The following BRDT variants were observed in gnomAD, a reference collection of about 807,000 sequenced individuals.
BRDT encodes bromodomain testis associated, also known as bromodomain testis-specific protein.
A neutral mutation model predicts 113.9 loss-of-function variants in BRDT; 77 were observed. The observed-to-expected ratio is 0.68, with a 90% CI of 0.56 to 0.82. The LOEUF (loss-of-function observed/expected upper bound fraction) is 0.82. BRDT is among the 40% of genes least tolerant of loss of function. BRDT has a pLI of 0.00. For synonymous variants in BRDT, 358 were observed against 366.5 expected (o/e 0.98, Z 0.26); for missense variants, 1,027 against 1,105.4 (o/e 0.93, Z 1.01).
At chr1:91,997,345 G>A (rs535717381) in intron 15 of BRDT, among the ~76,000 whole-genome samples, 1 of 152,214 alleles carries the variant, frequency 6.6e-6, no homozygotes, top group Non-Finnish European at 1.5e-5. Context: ...TGTTGGTAAA[G>A]AGGATGGAAA....
intron 12 of BRDT, among the ~76,000 whole-genome samples, chr1:91,984,949 A>G (rs748799938): frequency 6.6e-6 from 1 of 150,704 alleles, no homozygotes; most frequent in Non-Finnish European, 1.5e-5. Flanking sequence ...CATAAATATG[A>G]TTTTTATTGC....
intron 12 of BRDT, among the ~76,000 whole-genome samples, chr1:91,987,915 T>A (rs945624382): frequency 2.0e-5 from 3 of 152,020 alleles, no homozygotes; most frequent in Admixed American, 1.3e-4. Flanking sequence ...AATGGCACAC[T>A]CTCCACTCAC....
At chr1:92,004,005 C>A (rs1007078752) in intron 16 of BRDT, among the ~76,000 whole-genome samples, 2 of 152,110 alleles carry the variant, frequency 1.3e-5, no homozygotes, top group African/African-American at 4.8e-5. Flanking sequence ...TCAACAAACT[C>A]CATGGCATTT....
chr1:91,968,338 C>T (rs1683279939), intron 4 of BRDT, 78 bp downstream of exon 4: 16 of 1,520,898 alleles, frequency 1.1e-5, no homozygotes, highest in Admixed American at 2.2e-5. Context: ...GTAAATCCCT[C>T]AAAGGAGACA....
chr1:91,989,125 G>A (rs1470023843), intron 12 of BRDT, among the ~76,000 whole-genome samples: 1 of 151,680 alleles, frequency 6.6e-6, no homozygotes, highest in Non-Finnish European at 1.5e-5. Context: ...TAATAATTTT[G>A]AGCCTAGTTT....
chr1:91,980,865 G>A (rs1192536655), intron 9 of BRDT, 24 bp from the exon 10 acceptor site: 1 of 1,593,396 alleles, frequency 6.3e-7, no homozygotes, highest in Non-Finnish European at 8.5e-7. Context: ...CGATAAGTTG[G>A]ACTAAATTTA....
At chr1:91,976,004 G>A (rs1400055952) in intron 4 of BRDT, among the ~76,000 whole-genome samples, 2 of 152,116 alleles carry the variant, frequency 1.3e-5, no homozygotes, top group Non-Finnish European at 2.9e-5. Context: ...CACACAGCTC[G>A]ATTATTAGTC....
chr1:91,960,929 A>G (rs1367318661), intron 1 of BRDT, among the ~76,000 whole-genome samples: 1 of 152,224 alleles, frequency 6.6e-6, no homozygotes, highest in East Asian at 1.9e-4. Flanking sequence ...TCTTTCTGAA[A>G]CACCTATGAA....
intron 2 of BRDT, among the ~76,000 whole-genome samples, chr1:91,963,271 G>A (rs1056226402): frequency 2.6e-5 from 4 of 152,168 alleles, no homozygotes; most frequent in East Asian, 3.8e-4. Context: ...GTGGTAAGCC[G>A]AGATTGTGCC....
At chr1:91,973,872 A>G (rs994201534) in intron 4 of BRDT, among the ~76,000 whole-genome samples, 5 of 152,006 alleles carry the variant, frequency 3.3e-5, no homozygotes, top group African/African-American at 1.2e-4. Flanking sequence ...TCGAAGGGAA[A>G]AGTTTTCAAA....
chr1:91,989,402 C>G (rs1265377772), intron 12 of BRDT, among the ~76,000 whole-genome samples: 1 of 152,046 alleles, frequency 6.6e-6, no homozygotes, highest in Non-Finnish European at 1.5e-5. Context: ...GCTCTGTCAC[C>G]CAGACTGGAG....
intron 18 of BRDT, among the ~76,000 whole-genome samples, chr1:92,013,763 T>C (rs1688000747): frequency 6.6e-6 from 1 of 152,218 alleles, no homozygotes; most frequent in Non-Finnish European, 1.5e-5. Flanking sequence ...GGAAAGCCCA[T>C]AGTTTTAGCA....
At chr1:91,963,897 A>G (rs891444192) in intron 2 of BRDT, among the ~76,000 whole-genome samples, 7 of 148,332 alleles carry the variant, frequency 4.7e-5, no homozygotes, top group Non-Finnish European at 1.0e-4. Flanking sequence ...TTTTTGAGAC[A>G]GTCTCACTCT....
Position 91,991,183 on chromosome 1 carries a change from G to C in BRDT, c.2003-1G>C, listed in dbSNP as rs755335351. 6.6e-7 allele frequency: 1 copy of C among 1,518,260 alleles called. No individual in the cohort carries two copies. The highest frequency in any genetic ancestry group is 9.0e-7 in the Non-Finnish European group (1 of 1,108,648). 94.0% of individuals were successfully genotyped at this position (1,518,260 alleles called of 1,614,324 possible). The stretch of plus-strand genomic sequence containing the variant: ...AAATATTTATGTGTATACATTTGCA[G>C]AAATGTTCCCTAAGTTTACAGAAGT... On this transcript the variant is annotated splice_acceptor_variant, in intron 12 of 18. Coordinates refer to ENST00000399546, the MANE Select transcript of BRDT (RefSeq NM_207189.4). LOFTEE classifies it high-confidence loss of function.
chr1:92,008,296 T>C lies in BRDT; in HGVS notation c.2775+2997T>C, dbSNP rs546280654. ...AAGGACTTCCTTTGAACATTTCTTATAGTCTGGGTCCGCTGGCAATAGTTC... is the reference window on the plus strand; with the variant it reads ...AAGGACTTCCTTTGAACATTTCTTACAGTCTGGGTCCGCTGGCAATAGTTC... On this transcript the variant is annotated intron_variant, in intron 18 of 18. Transcript: ENST00000399546. 9.8e-4 allele frequency among the ~76,000 whole-genome samples: 150 copies of C among 152,334 alleles called. 1 individual carries two copies. The highest frequency in any genetic ancestry group is 1.8e-3 in the Non-Finnish European group (121 of 68,032).
chr1:91,949,792 A>T (rs1017940966), intron 1 of BRDT, 110 bp downstream of exon 1: 1 of 152,136 alleles, frequency 6.6e-6, no homozygotes, highest in Non-Finnish European at 1.5e-5. Flanking sequence ...TTTTTCTTCA[A>T]GGGAGGGCTG....
At chr1:91,955,002 G>A (rs1054465857) in intron 1 of BRDT, among the ~76,000 whole-genome samples, 4 of 152,098 alleles carry the variant, frequency 2.6e-5, no homozygotes, top group Non-Finnish European at 4.4e-5. Flanking sequence ...AGATGGGTTA[G>A]ACTGCAGATT....
In BRDT at chr1:91,977,400, G is replaced by T. The variant is rs1452745232; in HGVS notation, c.969+7G>T. On this transcript the variant is annotated splice_region_variant and intron_variant, in intron 6 of 18. Transcript: ENST00000399546. ...GGATCTTGGAACTATTAAGGTAAAT[G>T]TTGCCTTAAAAGGAAGAACTTCTTT... 7 of 1,506,696 alleles carry T rather than the reference G, an allele frequency of 4.6e-6. No individual in the cohort carries two copies. The highest frequency in any genetic ancestry group is 6.2e-6 in the Non-Finnish European group (7 of 1,125,212). 93.3% of individuals were successfully genotyped at this position (1,506,696 alleles called of 1,614,324 possible).
intron 15 of BRDT, among the ~76,000 whole-genome samples, chr1:91,995,749 G>T (rs1686266170): frequency 6.6e-6 from 1 of 151,566 alleles, no homozygotes; most frequent in Non-Finnish European, 1.5e-5. Context: ...TGATTCTCCT[G>T]TCTCAGCCTC....
Sources: gnomAD v4.1 joint callset for allele counts (sites outside exome capture counted in the v4.1 genomes callset) on GRCh38, gnomAD v4.1.1 for gene constraint, MANE v1.5 for transcripts, NCBI Gene and HGNC (gene_info 2026-07-23, HGNC 2026-07-21) for gene names.